The following DCDC2 variants were observed in gnomAD, a reference collection of about 807,000 sequenced individuals.
DCDC2 encodes doublecortin domain-containing protein 2.
DCDC2 carries 40 observed loss-of-function variants against 50.2 expected under a neutral mutation model. The ratio of observed to expected loss-of-function variants is 0.80; its 90% CI spans 0.62 to 1.04. The LOEUF (loss-of-function observed/expected upper bound fraction) is 1.04. Among genes scored for constraint, DCDC2 ranks in the 50% least tolerant of loss-of-function variants. DCDC2 has a pLI of 0.00. For synonymous variants in DCDC2, 234 were observed against 210.6 expected, an observed-to-expected ratio of 1.11 and a Z score of -0.96; for missense variants, 570 against 581.9, an observed-to-expected ratio of 0.98 and a Z score of 0.21.
chr6:24,364,430 G>C, the DCDC2 span, among the ~76,000 whole-genome samples: 1 of 152,048 alleles, frequency 6.6e-6, no homozygotes, highest in African/African-American at 2.4e-5. Flanking sequence ...AAGTCACCAT[G>C]CCTGGCTACG....
intron 1 of DCDC2, chr6:24,356,861 A>G (rs577520295): frequency 6.6e-6 from 1 of 152,384 alleles, no homozygotes; most frequent in East Asian, 1.9e-4. Context: ...GTTGCTGGAG[A>G]CAGACAGTCG....
chr6:24,340,421 T>G (rs1055738194), intron 2 of DCDC2, among the ~76,000 whole-genome samples: 1 of 152,232 alleles, frequency 6.6e-6, no homozygotes, highest in Admixed American at 6.5e-5. Context: ...TCATATACTA[T>G]TTGACTAAAT....
chr6:24,207,253 TCTTTCTC>T (rs1761735224), intron 7 of DCDC2, among the ~76,000 whole-genome samples: 7 of 133,912 alleles, frequency 5.2e-5, no homozygotes, highest in Admixed American at 1.5e-4. Context: ...ACTCCATCTA[TCTTTCTC>T]TCTCTCTCTC....
At chr6:24,355,328 C>CTA (rs918759081) in intron 1 of DCDC2, among the ~76,000 whole-genome samples, 1 of 151,516 alleles carries the variant, frequency 6.6e-6, no homozygotes, top group African/African-American at 2.4e-5. Flanking sequence ...AGAACATGAA[C>CTA]TATAAAAGTG....
At chr6:24,200,327 C>T (rs75293027) in intron 8 of DCDC2, among the ~76,000 whole-genome samples, 4 of 152,174 alleles carry the variant, frequency 2.6e-5, no homozygotes, top group African/African-American at 9.7e-5. Context: ...AGAAACCCTA[C>T]AAGCCAGAAG....
At chr6:24,230,935 T>C (rs1762326416) in intron 7 of DCDC2, among the ~76,000 whole-genome samples, 1 of 151,932 alleles carries the variant, frequency 6.6e-6, no homozygotes, top group African/African-American at 2.4e-5. Flanking sequence ...CACCAAAGAG[T>C]CTGCATAGGC....
intron 1 of DCDC2, among the ~76,000 whole-genome samples, chr6:24,356,362 C>T (rs992203916): frequency 8.6e-5 from 13 of 152,046 alleles, no homozygotes; most frequent in African/African-American, 2.7e-4. Context: ...ATAGACAAAT[C>T]CATAGATTCA....
intron 6 of DCDC2, among the ~76,000 whole-genome samples, chr6:24,286,214 G>A (rs1763606150): frequency 6.6e-6 from 1 of 152,102 alleles, no homozygotes; most frequent in African/African-American, 2.4e-5. Context: ...AGTGAGACCT[G>A]CTCTGTTCAA....
intron 2 of DCDC2, among the ~76,000 whole-genome samples, chr6:24,323,683 T>A (rs1303270915): frequency 6.6e-6 from 1 of 152,054 alleles, no homozygotes; most frequent in African/African-American, 2.4e-5. Context: ...CTTCTCCCAA[T>A]AATCAAGCAC....
At chr6:24,246,547 C>T (rs1762678641) in intron 7 of DCDC2, among the ~76,000 whole-genome samples, 2 of 116,326 alleles carry the variant, frequency 1.7e-5, no homozygotes, top group South Asian at 5.9e-4. Context: ...AGTTCAGTGG[C>T]GTGATCTCAG....
intron 7 of DCDC2, among the ~76,000 whole-genome samples, chr6:24,229,174 C>T (rs960738016): frequency 6.6e-6 from 1 of 152,180 alleles, no homozygotes; most frequent in Non-Finnish European, 1.5e-5. Flanking sequence ...TGAGGCACAT[C>T]TCACTGGGCT....
intron 7 of DCDC2, among the ~76,000 whole-genome samples, chr6:24,211,574 C>T (rs1048829043): frequency 1.3e-5 from 2 of 152,144 alleles, no homozygotes; most frequent in African/African-American, 4.8e-5. Context: ...AATATAATCA[C>T]AAGGGTCCTT....
intron 2 of DCDC2, among the ~76,000 whole-genome samples, chr6:24,332,845 C>T (rs765454819): frequency 7.2e-5 from 11 of 152,082 alleles, no homozygotes; most frequent in Non-Finnish European, 1.2e-4. Context: ...GTGTTTGATG[C>T]TGGGCTGGTA....
chr6:24,241,530 T>C (rs1836118540), intron 7 of DCDC2, among the ~76,000 whole-genome samples: 1 of 152,198 alleles, frequency 6.6e-6, no homozygotes, highest in Non-Finnish European at 1.5e-5. Flanking sequence ...TTTAAATACA[T>C]ATATCCTCTA....
intron 7 of DCDC2, among the ~76,000 whole-genome samples, chr6:24,268,831 C>T (rs1379651699): frequency 1.3e-5 from 2 of 152,154 alleles, no homozygotes; most frequent in Non-Finnish European, 2.9e-5. Context: ...CTCGGCCTCC[C>T]AAAGTGCTGG....
At chr6:24,191,311 T>C (rs1252566761) in intron 8 of DCDC2, among the ~76,000 whole-genome samples, 1 of 152,114 alleles carries the variant, frequency 6.6e-6, no homozygotes, top group Non-Finnish European at 1.5e-5. Context: ...GTAGAGTCAA[T>C]GATGAGACCA....
At chr6:24,352,386 CAG>C (rs1221705363) in intron 2 of DCDC2, among the ~76,000 whole-genome samples, 1 of 152,106 alleles carries the variant, frequency 6.6e-6, no homozygotes, top group Non-Finnish European at 1.5e-5. Flanking sequence ...CTACTTGAGA[CAG>C]ATATCAACTG....
chr6:24,211,399 T>C (rs1761866490), intron 7 of DCDC2, among the ~76,000 whole-genome samples: 1 of 152,102 alleles, frequency 6.6e-6, no homozygotes. Flanking sequence ...TGGTGGTAGG[T>C]AGAATAATGC....
chr6:24,351,705 T>C (rs1760375807), intron 2 of DCDC2, among the ~76,000 whole-genome samples: 1 of 152,178 alleles, frequency 6.6e-6, no homozygotes, highest in Non-Finnish European at 1.5e-5. Context: ...CGTTGGCTCA[T>C]GTGTAAGTGC....
Sources: gnomAD v4.1 joint callset for allele counts (sites outside exome capture counted in the v4.1 genomes callset) on GRCh38, gnomAD v4.1.1 for gene constraint, MANE v1.5 for transcripts, NCBI Gene and HGNC (gene_info 2026-07-23, HGNC 2026-07-21) for gene names.